The following MSR1 variants were observed in gnomAD, a reference collection of about 807,000 sequenced individuals.
MSR1 encodes the protein macrophage scavenger receptor types I and II.
Under a neutral mutation model 47.2 loss-of-function variants are expected in MSR1, and 53 were observed. That is an observed-to-expected ratio of 1.12 (90% CI 0.90 to 1.41). The LOEUF (loss-of-function observed/expected upper bound fraction) is 1.41, where lower values mean the gene tolerates loss of function less well. Among genes scored for constraint, MSR1 ranks in the 40% most tolerant of loss-of-function variants. The pLI, the probability that MSR1 is intolerant of heterozygous loss-of-function variation, is 0.00. For missense variants in MSR1, 786 were observed against 546.9 expected (o/e 1.44, Z -4.36); for synonymous variants, 239 against 185.6 (o/e 1.29, Z -2.34).
At chr8:16,131,570 G>C (rs1385211429) in intron 8 of MSR1, among the ~76,000 whole-genome samples, 1 of 149,130 alleles carries the variant, frequency 6.7e-6, no homozygotes, top group Non-Finnish European at 1.5e-5. Context: ...CCTATGTTCA[G>C]AATGGTATTT....
chr8:16,172,295 GACA>G (rs1462522898), intron 3 of MSR1, among the ~76,000 whole-genome samples: 4 of 152,224 alleles, frequency 2.6e-5, no homozygotes, highest in African/African-American at 9.6e-5. Flanking sequence ...TTTTTAATTT[GACA>G]ACAAGTTAAA....
chr8:16,139,638 T>A, intron 8 of MSR1: 1 of 972,054 alleles, frequency 1.0e-6, no homozygotes, highest in Non-Finnish European at 1.2e-6. Context: ...GTATTCTTTT[T>A]CATGATCAAA....
At chr8:16,162,496 G>A (rs1255355888) in intron 5 of MSR1, among the ~76,000 whole-genome samples, 2 of 152,032 alleles carry the variant, frequency 1.3e-5, no homozygotes, top group African/African-American at 4.8e-5. Context: ...AATATTTGTT[G>A]TGGGTGAGCG....
intron 5 of MSR1, among the ~76,000 whole-genome samples, chr8:16,162,742 G>C (rs907467900): frequency 4.0e-5 from 6 of 151,860 alleles, no homozygotes; most frequent in Non-Finnish European, 7.4e-5. Flanking sequence ...GGTTAGAGTG[G>C]GTTAACTTGC....
intron 8 of MSR1, among the ~76,000 whole-genome samples, chr8:16,141,989 G>A (rs945526792): frequency 6.6e-6 from 1 of 152,090 alleles, no homozygotes; most frequent in African/African-American, 2.4e-5. Flanking sequence ...TCAGCTGAAA[G>A]TAAATGGAGT....
At chr8:16,158,295 T>C (rs1018423306) in intron 5 of MSR1, among the ~76,000 whole-genome samples, 3 of 152,038 alleles carry the variant, frequency 2.0e-5, no homozygotes, top group Non-Finnish European at 4.4e-5. Flanking sequence ...ATCTACTATG[T>C]AGCTTCCTCC....
intron 1 of MSR1, among the ~76,000 whole-genome samples, chr8:16,181,057 C>T (rs542212026): frequency 1.1e-4 from 17 of 152,194 alleles, no homozygotes; most frequent in Non-Finnish European, 1.9e-4. Context: ...TCTATTTCCT[C>T]CCTTTATTAG....
At chr8:16,113,801 T>C (rs142427553) in intron 9 of MSR1, among the ~76,000 whole-genome samples, 72 of 152,218 alleles carry the variant, frequency 4.7e-4, no homozygotes, top group African/African-American at 1.6e-3. Context: ...ATCTTAAGTA[T>C]AAAGGACTTG....
chr8:16,163,175 G>C lies in MSR1; in HGVS notation c.817+890C>G, dbSNP rs537075082. 2.1e-4 allele frequency among the ~76,000 whole-genome samples: 32 copies of C among 151,762 alleles called. No individual in the cohort carries two copies. The East Asian group carries it at 4.5e-3, about 21-fold the overall frequency. On this transcript the variant is annotated intron_variant, in intron 5 of 9. Coordinates refer to ENST00000262101, the MANE Select transcript of MSR1 (RefSeq NM_138715.3). ...TGGTAGAGAGAAAAATTCAGCAAGA[G>C]AAAAATCTTAATCAATCCAAAAGTG...
chr8:16,180,344 T>C (rs997874941), intron 1 of MSR1, among the ~76,000 whole-genome samples: 1 of 152,158 alleles, frequency 6.6e-6, no homozygotes, highest in Non-Finnish European at 1.5e-5. Context: ...TTGGAAAGGT[T>C]TGATAAAAAG....
intron 9 of MSR1, among the ~76,000 whole-genome samples, chr8:16,118,242 G>A (rs1388175318): frequency 6.6e-6 from 1 of 152,082 alleles, no homozygotes; most frequent in African/African-American, 2.4e-5. Flanking sequence ...TATTTCTAAA[G>A]CTGAAGAATC....
intron 2 of MSR1, 129 bp from the exon 3 acceptor site, chr8:16,175,429 C>A: frequency 1.2e-6 from 1 of 811,716 alleles, no homozygotes; most frequent in Non-Finnish European, 2.0e-6. Flanking sequence ...AAAAATGTTC[C>A]ACATCTTTGC....
At chr8:16,176,279 G>A (rs1020065926) in intron 2 of MSR1, among the ~76,000 whole-genome samples, 3 of 152,166 alleles carry the variant, frequency 2.0e-5, no homozygotes, top group African/African-American at 7.2e-5. Context: ...GGCCAAGGCG[G>A]GAGGATGGCT....
In MSR1 at chr8:16,176,238, G is replaced by C. The variant is rs578179423; in HGVS notation, c.104-938C>G. 4.6e-5 allele frequency among the ~76,000 whole-genome samples: 7 copies of C among 152,178 alleles called. No homozygotes were observed. The East Asian group carries it at 1.3e-3, about 29-fold the overall frequency. ...AGAAAAGAGAAGAGCTGGATGCAGT[G>C]GCTCACGCCTGTAATCCCAGCACTT... On this transcript the variant is annotated intron_variant, in intron 2 of 9. Coordinates refer to ENST00000262101, the MANE Select transcript of MSR1 (RefSeq NM_138715.3).
intron 9 of MSR1, among the ~76,000 whole-genome samples, chr8:16,115,287 T>C (rs1193663132): frequency 6.6e-6 from 1 of 152,210 alleles, no homozygotes; most frequent in Non-Finnish European, 1.5e-5. Context: ...ATTAAAACAA[T>C]GCATGTTTCT....
intron 8 of MSR1, chr8:16,139,756 AAAAAAAAAAAAAAAAAAAATAT>A (rs1800483477): frequency 6.7e-6 from 1 of 150,146 alleles, no homozygotes; most frequent in African/African-American, 9.1e-5. Context: ...TTAAAAAAAA[AAAAAAAAAAAAAAAAAAAATAT>A]ATATATATAT....
rs527621502 is a variant in MSR1, at chr8:16,171,840, C to A, written c.218-2970G>T. Reference sequence around the variant, plus strand: ...TGGCTCTGCCCTTTATAAACTATGGCGTTGGACAAGTTACTTAATCTGTTA... The same window carrying A: ...TGGCTCTGCCCTTTATAAACTATGGAGTTGGACAAGTTACTTAATCTGTTA... On this transcript the variant is annotated intron_variant, in intron 3 of 9. Transcript: ENST00000262101. 2.3e-4 allele frequency among the ~76,000 whole-genome samples: 35 copies of A among 152,200 alleles called. No homozygotes were observed. In the South Asian group the frequency reaches 6.0e-3, roughly 26 times the overall value.
chr8:16,155,680 T>C (rs912189344), intron 5 of MSR1, among the ~76,000 whole-genome samples: 6 of 151,740 alleles, frequency 4.0e-5, no homozygotes, highest in African/African-American at 9.7e-5. Context: ...ATGGTGATGG[T>C]TGAAGTCTTC....
chr8:16,170,242 G>A (rs1409088019), intron 3 of MSR1, among the ~76,000 whole-genome samples: 3 of 151,966 alleles, frequency 2.0e-5, no homozygotes, highest in Admixed American at 1.3e-4. Context: ...CATCTACTCA[G>A]GAGGCTGAGG....
Sources: allele counts gnomAD v4.1 joint callset (sites outside exome capture counted in the v4.1 genomes callset), GRCh38; gene constraint gnomAD v4.1.1; transcripts MANE v1.5; gene names NCBI Gene and HGNC (gene_info 2026-07-23, HGNC 2026-07-21).